Variants in CPVL observed in about 807,000 individuals in gnomAD.
CPVL encodes probable serine carboxypeptidase CPVL.
A neutral mutation model predicts 63.7 loss-of-function variants in CPVL; 51 were observed. The observed-to-expected ratio is 0.80, with a 90% CI of 0.64 to 1.01. The LOEUF (loss-of-function observed/expected upper bound fraction) is 1.01. CPVL is among the 50% of genes least tolerant of loss of function. The probability of loss-of-function intolerance (pLI) is 0.00; values close to 1 mark genes in which losing one functional copy is unlikely to be tolerated. For synonymous variants in CPVL, 195 were observed against 206.0 expected, an observed-to-expected ratio of 0.95 and a Z score of 0.46; for missense variants, 530 against 573.1, an observed-to-expected ratio of 0.92 and a Z score of 0.77.
chr7:29,117,958 G>A (rs945736054), intron 2 of CPVL, among the ~76,000 whole-genome samples: 1 of 152,150 alleles, frequency 6.6e-6, no homozygotes, highest in African/African-American at 2.4e-5. Context: ...TATGCCAACC[G>A]ACAGGGATAG....
chr7:29,173,187 G>C (rs1796839755), intron 5 of CPVL, among the ~76,000 whole-genome samples: 1 of 150,694 alleles, frequency 6.6e-6, no homozygotes, highest in Non-Finnish European at 1.5e-5. Flanking sequence ...TTTTAAAAAT[G>C]CACACCTAAG....
intron 7 of CPVL, among the ~76,000 whole-genome samples, chr7:29,083,248 A>G (rs1784910193): frequency 6.6e-6 from 1 of 152,212 alleles, no homozygotes; most frequent in South Asian, 2.1e-4. Flanking sequence ...GACATTGCAG[A>G]TGTGCTTGCC....
chr7:29,041,013 G>A (rs904561413), intron 11 of CPVL, among the ~76,000 whole-genome samples: 10 of 151,878 alleles, frequency 6.6e-5, no homozygotes, highest in Admixed American at 2.0e-4. Flanking sequence ...AAAGTCCTGG[G>A]GCCCCTTCTA....
At chr7:29,066,375 T>C (rs375093602) in intron 9 of CPVL, among the ~76,000 whole-genome samples, 15 of 152,276 alleles carry the variant, frequency 9.9e-5, no homozygotes, top group African/African-American at 3.4e-4. Flanking sequence ...CATTTCTAAG[T>C]AAATTATATC....
chr7:29,050,628 T>TAGAAACACATCCCATACTTAC (rs1562741516), intron 11 of CPVL, among the ~76,000 whole-genome samples: 60 of 152,048 alleles, frequency 3.9e-4, no homozygotes, highest in African/African-American at 1.3e-3. Context: ...CCCATACTTA[T>TAGAAACACATCCCATACTTAC]GGATGGGTAG....
intron 3 of CPVL, among the ~76,000 whole-genome samples, chr7:29,106,594 A>G (rs1406667491): frequency 6.6e-6 from 1 of 152,066 alleles, no homozygotes; most frequent in Non-Finnish European, 1.5e-5. Context: ...AAAGCTTAAT[A>G]TTGTGCTTGC....
intron 12 of CPVL, 45 bp downstream of exon 12, chr7:29,030,532 G>A (rs771941914): frequency 8.3e-6 from 13 of 1,564,356 alleles, no homozygotes; most frequent in Middle Eastern, 1.7e-4. Context: ...TTTCAATCCC[G>A]CTCTCCCATT....
At chr7:29,072,138 T>C (rs1051867032) in intron 8 of CPVL, among the ~76,000 whole-genome samples, 163 bp downstream of exon 8, 5 of 152,108 alleles carry the variant, frequency 3.3e-5, no homozygotes, top group East Asian at 1.9e-4. Context: ...ACACAGTAAA[T>C]TGATACGTTG....
At chr7:29,051,177 T>C (rs562594847) in intron 11 of CPVL, among the ~76,000 whole-genome samples, 1 of 152,176 alleles carries the variant, frequency 6.6e-6, no homozygotes, top group Non-Finnish European at 1.5e-5. Flanking sequence ...AAAACCCTTC[T>C]AGACATTGGC....
At chr7:29,168,015 A>T (rs1295991394) in intron 5 of CPVL, among the ~76,000 whole-genome samples, 3 of 152,162 alleles carry the variant, frequency 2.0e-5, no homozygotes, top group African/African-American at 7.2e-5. Flanking sequence ...TTCCCAGATG[A>T]CCTAAACTGG....
intron 12 of CPVL, among the ~76,000 whole-genome samples, chr7:28,997,714 C>CA (rs1254548906): frequency 1.3e-5 from 2 of 152,326 alleles, no homozygotes; most frequent in Non-Finnish European, 2.9e-5. Context: ...ACCCTCTACT[C>CA]AATCATTCCT....
chr7:29,040,820 C>T (rs1788995613), intron 11 of CPVL, among the ~76,000 whole-genome samples: 1 of 152,120 alleles, frequency 6.6e-6, no homozygotes, highest in African/African-American at 2.4e-5. Flanking sequence ...TGCTTTCTTG[C>T]ACCTTAACTC....
At chr7:29,052,769 T>A (rs1347086377) in intron 11 of CPVL, among the ~76,000 whole-genome samples, 1 of 151,934 alleles carries the variant, frequency 6.6e-6, no homozygotes, top group Non-Finnish European at 1.5e-5. Flanking sequence ...ATTAGCCAGG[T>A]GTGGTGACAT....
At chr7:29,001,762 T>C (rs1784664475) in intron 12 of CPVL, among the ~76,000 whole-genome samples, 2 of 152,310 alleles carry the variant, frequency 1.3e-5, no homozygotes, top group South Asian at 4.1e-4. Flanking sequence ...GCCATCATAA[T>C]GGTACATATT....
chr7:29,194,050 T>C (rs1287773249), intron 1 of CPVL: 1 of 152,296 alleles, frequency 6.6e-6, no homozygotes, highest in Admixed American at 6.5e-5. Context: ...GAGCGCTCCA[T>C]AGTGGCTCTG....
intron 1 of CPVL, among the ~76,000 whole-genome samples, chr7:29,122,027 T>C (rs1329371744): frequency 6.6e-6 from 1 of 152,170 alleles, no homozygotes; most frequent in Non-Finnish European, 1.5e-5. Flanking sequence ...ATAATAATAA[T>C]GGCATAAAAC....
rs569556997 is a variant in CPVL, at chr7:29,144,163, A to G, written c.-11+2266T>C. Among the ~76,000 whole-genome samples the G allele has an allele frequency of 1.0e-3, 158 of 152,288 alleles. 7 individuals carry two copies. In the South Asian group the frequency reaches 0.032, roughly 31 times the overall value. ...CTGAGAAGCTTGCCTACTTCTTTTA[A>G]ATGTTCTTAGTTCAGTCAATGAAAA... On this transcript the variant is annotated intron_variant, in intron 1 of 12. Transcript: ENST00000265394.
intron 11 of CPVL, among the ~76,000 whole-genome samples, chr7:29,052,207 T>C (rs1187881647): frequency 1.3e-5 from 2 of 151,482 alleles, no homozygotes; most frequent in Non-Finnish European, 2.9e-5. Flanking sequence ...GCTTGGGTGA[T>C]GGGTGCACCA....
intron 1 of CPVL, among the ~76,000 whole-genome samples, chr7:29,187,326 GGTGTGTGT>G (rs1798832694): frequency 6.6e-6 from 1 of 151,596 alleles, no homozygotes; most frequent in Admixed American, 6.6e-5. Context: ...ATCATCTAGT[GGTGTGTGT>G]GTTTGTGTGT....
Sources: gnomAD v4.1 joint callset for allele counts (sites outside exome capture counted in the v4.1 genomes callset) on GRCh38, gnomAD v4.1.1 for gene constraint, MANE v1.5 for transcripts, NCBI Gene and HGNC (gene_info 2026-07-23, HGNC 2026-07-21) for gene names.